Variants in WDR59 observed in about 807,000 individuals in gnomAD.
The protein encoded by WDR59 is WD repeat domain 59.
In WDR59, 100 loss-of-function variants were observed where a neutral mutation model predicts 131.2. The observed-to-expected ratio is 0.76, with a 90% CI of 0.65 to 0.90. The LOEUF is 0.90. Ranked by LOEUF, WDR59 falls within the 40% of genes least tolerant of loss-of-function variation. The pLI is 0.00. For synonymous variants in WDR59, 601 were observed against 466.2 expected, an observed-to-expected ratio of 1.29 and a Z score of -3.72; for missense variants, 1,203 against 1,262.2, an observed-to-expected ratio of 0.95 and a Z score of 0.71.
At chr16:74,942,658 G>C in intron 7 of WDR59, 80 bp downstream of exon 7, 3 of 1,420,188 alleles carry the variant, frequency 2.1e-6, no homozygotes, top group Non-Finnish European at 2.0e-6. Context: ...CTCAAGCCAA[G>C]TCCTGGCACT....
chr16:74,922,146 G>T (rs748791303), intron 9 of WDR59, 43 bp from the exon 10 acceptor site: 1 of 1,608,104 alleles, frequency 6.2e-7, no homozygotes, highest in Admixed American at 1.7e-5. Flanking sequence ...ATTATTTCAG[G>T]GAGAATCAGC....
At chr16:74,963,929 G>C (rs1320701910) in intron 2 of WDR59, among the ~76,000 whole-genome samples, 4 of 150,276 alleles carry the variant, frequency 2.7e-5, no homozygotes, top group Admixed American at 2.0e-4. Flanking sequence ...AAGGGAGAAA[G>C]AGAGAGAGAG....
intron 2 of WDR59, chr16:74,959,464 G>C: frequency 2.3e-6 from 1 of 436,834 alleles, no homozygotes; most frequent in Non-Finnish European, 4.5e-6. Context: ...TAATGCAACA[G>C]AAAGGAAAAA....
At chr16:74,927,919 T>C (rs2031002035) in intron 8 of WDR59, among the ~76,000 whole-genome samples, 2 of 148,006 alleles carry the variant, frequency 1.4e-5, no homozygotes, top group African/African-American at 5.0e-5. Context: ...TTTTTTTTTT[T>C]TTTTTTTGAG....
intron 20 of WDR59, among the ~76,000 whole-genome samples, chr16:74,891,715 G>A (rs1443914373): frequency 1.3e-5 from 2 of 152,232 alleles, no homozygotes; most frequent in Non-Finnish European, 2.9e-5. Context: ...TTGAGGCCAG[G>A]AGTTCAAGAC....
At position 74,906,320 on chromosome 16, in the gene WDR59, A is replaced by AAAAAAAAAAAAAAAAC. The variant is rs765077670; in HGVS notation, c.1713-2221_1713-2220insGTTTTTTTTTTTTTTT. 2.2e-5 allele frequency among the ~76,000 whole-genome samples: 3 copies of AAAAAAAAAAAAAAAAC among 136,282 alleles called. 1 individual carries two copies. Among genetic ancestry groups the AAAAAAAAAAAAAAAAC allele is most frequent in the East Asian group, 2.3e-4 (1 of 4,306 alleles). 89.4% of individuals were successfully genotyped at this position (136,282 alleles called of 152,430 possible). On this transcript the variant is annotated intron_variant, in intron 17 of 25. Transcript: ENST00000262144. Reference sequence around the variant, plus strand: ...CAGAGCAAGACTCCGTCTCAAAAAAAAAAAAACCCACAGTGAGATACTAGG... The same window carrying AAAAAAAAAAAAAAAAC: ...CAGAGCAAGACTCCGTCTCAAAAAAAAAAAAAAAAAAAAAACAAAAAACCCACAGTGAGATACTAGG...
At chr16:74,930,072 GA>G (rs1451198502) in intron 8 of WDR59, among the ~76,000 whole-genome samples, 1 of 152,086 alleles carries the variant, frequency 6.6e-6, no homozygotes, top group African/African-American at 2.4e-5. Flanking sequence ...CAGAAGTGGG[GA>G]TGGTTAATGG....
chr16:74,976,076 A>G (rs764807040), intron 1 of WDR59, among the ~76,000 whole-genome samples: 2 of 152,218 alleles, frequency 1.3e-5, no homozygotes, highest in African/African-American at 4.8e-5. Flanking sequence ...AAAAAGTCCT[A>G]TTCTGCCCCT....
At chr16:74,898,315 T>C (rs919682684) in intron 18 of WDR59, among the ~76,000 whole-genome samples, 2 of 152,198 alleles carry the variant, frequency 1.3e-5, no homozygotes, top group Admixed American at 6.5e-5. Context: ...GGCTTAAATA[T>C]GGATACCTCT....
chr16:74,885,903 C>T (rs1964732661), intron 24 of WDR59, 108 bp from the exon 25 acceptor site: 8 of 1,347,490 alleles, frequency 5.9e-6, no homozygotes, highest in East Asian at 2.5e-5. Flanking sequence ...TGGCCAGGCA[C>T]GGTGGCTAAC....
At chr16:74,922,648 TG>T (rs1299664969) in intron 9 of WDR59, among the ~76,000 whole-genome samples, 1 of 152,220 alleles carries the variant, frequency 6.6e-6, no homozygotes, top group Non-Finnish European at 1.5e-5. Flanking sequence ...CCCAAACTAC[TG>T]GGTAGCTAAG....
chr16:74,958,554 C>CT (rs2033404202), intron 2 of WDR59, among the ~76,000 whole-genome samples: 1 of 123,854 alleles, frequency 8.1e-6, no homozygotes, highest in Non-Finnish European at 1.6e-5. Context: ...GATCACACCA[C>CT]TGCACTCCAG....
chr16:74,886,287 C>T lies in WDR59; in HGVS notation c.2529G>A (p.Gln843=). 6.2e-7 allele frequency: 1 copy of T among 1,610,320 alleles called. No individual in the cohort carries two copies. Among genetic ancestry groups the T allele is most frequent in the Non-Finnish European group, 8.5e-7 (1 of 1,177,618 alleles). ...YSDPRERERD[Q]HDKNKRLLDP... is the part of the protein sequence containing the mutation. Reference sequence around the variant, plus strand: ...GTGGTTACCTTTTATTTTTATCATGCTGGTCGCGTTCTCGCTCACGGGGAT... The same window carrying T: ...GTGGTTACCTTTTATTTTTATCATGTTGGTCGCGTTCTCGCTCACGGGGAT... The change falls in exon 24 of 26, where the codon CAG becomes CAA. Residue 843 remains glutamine, a synonymous_variant. Coordinates refer to ENST00000262144, the MANE Select transcript of WDR59 (RefSeq NM_030581.4).
intron 17 of WDR59, 39 bp downstream of exon 17, chr16:74,908,869 C>T (rs1259584211): frequency 6.3e-7 from 1 of 1,598,144 alleles, no homozygotes; most frequent in Non-Finnish European, 8.6e-7. Flanking sequence ...ACTTCTGGCC[C>T]CGGGAACGTA....
At chr16:74,973,914 A>T (rs963827108) in intron 1 of WDR59, among the ~76,000 whole-genome samples, 1 of 152,092 alleles carries the variant, frequency 6.6e-6, no homozygotes, top group Non-Finnish European at 1.5e-5. Context: ...CCACACCTGT[A>T]ATCCTAGCAC....
chr16:74,935,847 G>A (rs1203428910), intron 8 of WDR59, among the ~76,000 whole-genome samples: 4 of 151,822 alleles, frequency 2.6e-5, no homozygotes, highest in Non-Finnish European at 4.4e-5. Flanking sequence ...AAACACAAAA[G>A]TTAGCTGGAC....
chr16:74,959,481 C>A, intron 2 of WDR59: 1 of 441,170 alleles, frequency 2.3e-6, no homozygotes, highest in Non-Finnish European at 4.5e-6. Flanking sequence ...AAAAAGCCTT[C>A]ATGGTTGGAA....
At chr16:74,936,141 C>T (rs978817053) in intron 8 of WDR59, among the ~76,000 whole-genome samples, 1 of 152,066 alleles carries the variant, frequency 6.6e-6, no homozygotes, top group African/African-American at 2.4e-5. Flanking sequence ...CCCAGCCTCC[C>T]AAAGTGCTGG....
In WDR59 at chr16:74,951,528, C is replaced by A; in HGVS notation, c.256G>T (p.Asp86Tyr). Residue 86 changes from aspartate (D) to tyrosine (Y), a missense_variant, in exon 4 of 26, where the codon GAC (aspartate) becomes TAC (tyrosine). Transcript: ENST00000262144. ...YFAASSNQRV[D>Y]LYKWKDGSGE... The stretch of plus-strand genomic sequence containing the variant: ...CTGCCGTCTTTCCACTTGTAAAGGT[C>A]TACTCGTTGGTTACTCTGAAAAGAA... 6.3e-7 allele frequency: 1 copy of A among 1,597,506 alleles called. No individual in the cohort carries two copies. The highest frequency in any genetic ancestry group is 8.5e-7 in the Non-Finnish European group (1 of 1,172,394).
Sources: gnomAD v4.1 joint callset for allele counts (sites outside exome capture counted in the v4.1 genomes callset) on GRCh38, gnomAD v4.1.1 for gene constraint, MANE v1.5 for transcripts, NCBI Gene and HGNC (gene_info 2026-07-23, HGNC 2026-07-21) for gene names.